IFFO2: variants seen among roughly 807,000 people sequenced by gnomAD.
IFFO2 encodes intermediate filament family orphan 2.
A neutral mutation model predicts 53.5 loss-of-function variants in IFFO2; 19 were observed. That is an observed-to-expected ratio of 0.36 (90% CI 0.25 to 0.52). The LOEUF (loss-of-function observed/expected upper bound fraction) is 0.52, where lower values mean the gene tolerates loss of function less well. Among genes scored for constraint, IFFO2 ranks in the 20% least tolerant of loss-of-function variants. IFFO2 has a pLI of 0.94. For synonymous variants in IFFO2, 303 were observed against 313.6 expected (o/e 0.97, Z 0.36); for missense variants, 570 against 727.4 (o/e 0.78, Z 2.49).
In IFFO2 at chr1:18,955,964, G is replaced by T; in HGVS notation, c.369C>A (p.His123Gln). The T allele has an allele frequency of 7.6e-7, 1 of 1,318,672 alleles. No homozygotes were observed. The highest frequency in any genetic ancestry group is 1.8e-5 in the South Asian group (1 of 55,022). 81.7% of individuals were successfully genotyped at this position (1,318,672 alleles called of 1,614,324 possible). ...LLRPPAPGGG[H>Q]GLSSGAAAGA... ...CGGCCGCCGCGCCACTGCTGAGGCC[G>T]TGCCCGCCGCCGGGCGCCGGGGGCC... Residue 123 changes from histidine to glutamine, a missense_variant, in exon 1 of 9, where the codon CAC becomes CAA. Physicochemically the swap from His to Gln is conservative, Grantham distance 24. Transcript: ENST00000455833.
intron 1 of IFFO2, among the ~76,000 whole-genome samples, chr1:18,952,013 G>A (rs376375401): frequency 6.6e-6 from 1 of 152,174 alleles, no homozygotes; most frequent in Non-Finnish European, 1.5e-5. Context: ...AGAGGGCAGC[G>A]GTTGGCCAGA....
intron 8 of IFFO2, among the ~76,000 whole-genome samples, chr1:18,910,140 G>A (rs1936012210): frequency 6.6e-6 from 1 of 152,230 alleles, no homozygotes; most frequent in Non-Finnish European, 1.5e-5. Flanking sequence ...GGACTTGCAT[G>A]AGGTTAGATA....
At position 18,919,004 on chromosome 1, in the gene IFFO2, A is replaced by C. The variant is rs1273131566; in HGVS notation, c.823-502T>G. On this transcript the variant is annotated intron_variant, in intron 3 of 8. Coordinates refer to ENST00000455833, the MANE Select transcript of IFFO2 (RefSeq NM_001136265.2). This position sits in a 1 kb window ranked among gnomAD's most constrained non-coding sequence, Gnocchi z 4.9. ...CCAACTAGGGTCCTGGGAGGCTTCT[A>C]CCAACCACACCCAGCTTCACGTCCC... is the stretch of plus-strand genomic sequence containing the variant. Among the ~76,000 whole-genome samples the C allele has an allele frequency of 6.6e-6, 1 of 152,014 alleles. No homozygotes were observed. Among genetic ancestry groups the C allele is most frequent in the East Asian group, 1.9e-4 (1 of 5,160 alleles).
Position 18,907,680 on chromosome 1 carries a change from A to G in IFFO2, c.*881T>C, listed in dbSNP as rs28469173. 0.073 allele frequency: 11,150 copies of G among 152,272 alleles called. 1,058 individuals carry two copies. The highest frequency in any genetic ancestry group is 0.22 in the African/African-American group (8,941 of 41,452). 9.4% of individuals were successfully genotyped at this position (152,272 alleles called of 1,614,324 possible). A position where few individuals can be genotyped will look rare whatever the true frequency, so the allele number is the denominator to read the frequency against. ...GAGGCCAGTGCCTTGCGGGAACCCC[A>G]GCCTCATGACCAACCTCGGCCAAAC... On this transcript the variant is annotated 3_prime_UTR_variant, in exon 9 of 9. Transcript: ENST00000455833.
intron 1 of IFFO2, among the ~76,000 whole-genome samples, chr1:18,939,257 C>T (rs1215377540): frequency 6.6e-6 from 1 of 152,222 alleles, no homozygotes; most frequent in Non-Finnish European, 1.5e-5. Flanking sequence ...AGGGAGCCCT[C>T]TGGGGCCACA....
chr1:18,927,787 G>T (rs1449655775), intron 1 of IFFO2, among the ~76,000 whole-genome samples: 2 of 152,232 alleles, frequency 1.3e-5, no homozygotes, highest in Admixed American at 6.5e-5. Context: ...GGATTGGGAA[G>T]ACCAGAGCAG....
chr1:18,936,752 T>A lies in IFFO2; in HGVS notation c.666-15631A>T, dbSNP rs1936454094. ...CTGGGAGCCCAGATTTTCCTTATCA[T>A]GTGCAGCCTGAAAAAATGAGGGGCT... On this transcript the variant is annotated intron_variant, in intron 1 of 8. Transcript: ENST00000455833. The surrounding 1 kb of genome is among the most constrained non-coding windows in gnomAD (Gnocchi z 4.5). 6.6e-6 allele frequency among the ~76,000 whole-genome samples: 1 copy of A among 152,140 alleles called. No homozygotes were observed. Among genetic ancestry groups the A allele is most frequent in the African/African-American group, 2.4e-5 (1 of 41,428 alleles).
rs1399942623 is a variant in IFFO2 at position 18,956,307 on chromosome 1, TC to T, written c.25del (p.Glu9ArgfsTer34). On this transcript the variant is annotated frameshift_variant, in exon 1 of 9. Transcript: ENST00000455833. LOFTEE classifies it high-confidence loss of function. The surrounding 1 kb of genome is among the most constrained non-coding windows in gnomAD (Gnocchi z 6.4). ...CGGGCAGCCGAAGGCCAAGGCCATC[TC>T]CCCGAACAGCAGCGAGTTCACCATG... Reference protein sequence around the residue: MVNSLLFGEMALAFGCPPG... With the variant: MVNSLLFGXMALAFGCPPG... 1 of 473,528 alleles carries T rather than the reference TC, an allele frequency of 2.1e-6. No homozygotes were observed. 29.3% of individuals were successfully genotyped at this position (473,528 alleles called of 1,614,324 possible). A position where few individuals can be genotyped will look rare whatever the true frequency, so the allele number is the denominator to read the frequency against.
Position 18,956,231 on chromosome 1 carries a change from C to CCCG in IFFO2, c.99_101dup (p.Gly34dup), listed in dbSNP as rs750215792. On this transcript the variant is annotated inframe_insertion, in exon 1 of 9. Coordinates refer to ENST00000455833, the MANE Select transcript of IFFO2 (RefSeq NM_001136265.2). The surrounding 1 kb of genome is among the most constrained non-coding windows in gnomAD (Gnocchi z 6.4). ...TCACCGGCGACGGACCCGGCCCTGC[C>CCCG]CCGCCGCCGCCGCCGCCCCCGCCAG... The CCCG allele has an allele frequency of 1.5e-5, 19 of 1,241,536 alleles. No homozygotes were observed. In the African/African-American group the frequency reaches 1.9e-4, roughly 13 times the overall value. The allele number at this position is 1,241,536 out of a possible 1,614,324, so 76.9% of individuals were successfully genotyped here.
At chr1:18,955,435 T>C (rs754866951) in intron 1 of IFFO2, among the ~76,000 whole-genome samples, 31 of 152,204 alleles carry the variant, frequency 2.0e-4, no homozygotes, top group Admixed American at 9.8e-4. Flanking sequence ...GAAAACAATG[T>C]GCCTCACCAG....
At chr1:18,920,919 TA>T in intron 2 of IFFO2, 141 bp downstream of exon 2, 1 of 702,180 alleles carries the variant, frequency 1.4e-6, no homozygotes, top group Non-Finnish European at 2.5e-6. Context: ...CTTGGCTCCA[TA>T]AAGGAGAGAC....
At chr1:18,915,385 G>A (rs1225232270) in intron 5 of IFFO2, among the ~76,000 whole-genome samples, 1 of 14,554 alleles carries the variant, frequency 6.9e-5, no homozygotes, top group African/African-American at 3.1e-4. Context: ...CTGATTGGTA[G>A]CTCTGATTTC....
rs1057275352 is a variant in IFFO2 at position 18,917,942 on chromosome 1, C to T, written c.963+420G>A. Among the ~76,000 whole-genome samples the T allele has an allele frequency of 2.6e-5, 4 of 152,244 alleles. No homozygotes were observed. The highest frequency in any genetic ancestry group is 1.9e-4 in the East Asian group (1 of 5,196). ...GCCCCTCTACCAGAGCTCAGGCCAGCTCCCCCACTTCTCCCCATAACCTGG... is the reference window on the plus strand; with the variant it reads ...GCCCCTCTACCAGAGCTCAGGCCAGTTCCCCCACTTCTCCCCATAACCTGG... On this transcript the variant is annotated intron_variant, in intron 4 of 8. Transcript: ENST00000455833. The surrounding 1 kb of genome is among the most constrained non-coding windows in gnomAD (Gnocchi z 5.9).
rs773912968 is a variant in IFFO2, at chr1:18,928,039, C to CT, written c.666-6919dup. 8.1e-4 allele frequency among the ~76,000 whole-genome samples: 123 copies of CT among 152,390 alleles called. No individual in the cohort carries two copies. The highest frequency in any genetic ancestry group is 2.9e-3 in the Admixed American group (44 of 15,310). On this transcript the variant is annotated intron_variant, in intron 1 of 8. Coordinates refer to ENST00000455833, the MANE Select transcript of IFFO2 (RefSeq NM_001136265.2). The surrounding 1 kb of genome is among the most constrained non-coding windows in gnomAD (Gnocchi z 4.9). ...CCACTGCTAACACAGGGCTCACCTC[C>CT]TGGGCAGCTCAGCACTGATGCACGT...
At position 18,918,031 on chromosome 1, in the gene IFFO2, G is replaced by A. The variant is rs145697007; in HGVS notation, c.963+331C>T. 9.8e-5 allele frequency among the ~76,000 whole-genome samples: 15 copies of A among 152,348 alleles called. No homozygotes were observed. The East Asian group carries it at 1.7e-3, about 18-fold the overall frequency. On this transcript the variant is annotated intron_variant, in intron 4 of 8. Coordinates refer to ENST00000455833, the MANE Select transcript of IFFO2 (RefSeq NM_001136265.2). This position sits in a 1 kb window ranked among gnomAD's most constrained non-coding sequence, Gnocchi z 5.2. ...GCACCCAGAGGAAGGGGCAGGAAGCGGGACAATGGGTACAGTGTGGGCTGG... is the reference window on the plus strand; with the variant it reads ...GCACCCAGAGGAAGGGGCAGGAAGCAGGACAATGGGTACAGTGTGGGCTGG...
chr1:18,913,884 G>A (rs377628785), intron 5 of IFFO2, among the ~76,000 whole-genome samples: 1 of 152,216 alleles, frequency 6.6e-6, no homozygotes, highest in South Asian at 2.1e-4. Context: ...AGGCTGGAGT[G>A]CAGTGGTGCG....
At chr1:18,941,802 A>G (rs565456991) in intron 1 of IFFO2, among the ~76,000 whole-genome samples, 55 of 152,286 alleles carry the variant, frequency 3.6e-4, no homozygotes, top group African/African-American at 1.0e-3. Context: ...AAATCCACAC[A>G]ACGGGGAGGC....
chr1:18,913,889 GGT>G (rs1403663630), intron 5 of IFFO2, among the ~76,000 whole-genome samples: 1 of 152,212 alleles, frequency 6.6e-6, no homozygotes, highest in Non-Finnish European at 1.5e-5. Flanking sequence ...GGAGTGCAGT[GGT>G]GCGATCTCGG....
chr1:18,918,603 GC>G lies in IFFO2; in HGVS notation c.823-102del. On this transcript the variant is annotated intron_variant, in intron 3 of 8. Coordinates refer to ENST00000455833, the MANE Select transcript of IFFO2 (RefSeq NM_001136265.2). This position sits in a 1 kb window ranked among gnomAD's most constrained non-coding sequence, Gnocchi z 5.2. ...ACCCCTAGGTGTCAGCAGGGGTGGT[GC>G]GGGGAGGCCTCCAGAGTCCGAGGGT... is the stretch of plus-strand genomic sequence containing the variant. 1 of 1,278,098 alleles carries G rather than the reference GC, an allele frequency of 7.8e-7. No individual in the cohort carries two copies. The highest frequency in any genetic ancestry group is 1.1e-6 in the Non-Finnish European group (1 of 917,870). The allele number at this position is 1,278,098 out of a possible 1,614,324, so 79.2% of individuals were successfully genotyped here.
Sources: gnomAD v4.1 joint callset for allele counts (sites outside exome capture counted in the v4.1 genomes callset) on GRCh38, gnomAD v4.1.1 for gene constraint, Gnocchi (gnomAD v3.1) non-coding constraint, MANE v1.5 for transcripts, NCBI Gene and HGNC (gene_info 2026-07-23, HGNC 2026-07-21) for gene names.